GLRA3: variants seen among roughly 807,000 people sequenced by gnomAD.
The protein encoded by GLRA3 is glycine receptor subunit alpha-3.
GLRA3 carries 44 observed loss-of-function variants against 60.4 expected under a neutral mutation model. The observed-to-expected ratio is 0.73, with a 90% CI of 0.57 to 0.94. The LOEUF (loss-of-function observed/expected upper bound fraction) is 0.94. GLRA3 is among the 40% of genes least tolerant of loss of function. The pLI is 0.00. For missense variants in GLRA3, 508 were observed against 564.6 expected (o/e 0.90, Z 1.02); for synonymous variants, 223 against 192.9 (o/e 1.16, Z -1.29).
intron 7 of GLRA3, among the ~76,000 whole-genome samples, chr4:174,662,099 T>A (rs747856971): frequency 6.6e-6 from 1 of 152,178 alleles, no homozygotes; most frequent in Non-Finnish European, 1.5e-5. Context: ...TCCGCTCTTA[T>A]TGTATACATG....
intron 3 of GLRA3, among the ~76,000 whole-genome samples, chr4:174,738,651 T>C (rs1203219482): frequency 6.6e-6 from 1 of 152,248 alleles, no homozygotes; most frequent in Non-Finnish European, 1.5e-5. Context: ...ATTATAGTTT[T>C]GATCTGTTCG....
At chr4:174,689,375 T>G (rs1734692305) in intron 5 of GLRA3, among the ~76,000 whole-genome samples, 1 of 152,182 alleles carries the variant, frequency 6.6e-6, no homozygotes, top group Non-Finnish European at 1.5e-5. Flanking sequence ...CAAAGTAAGA[T>G]GTAGATATAA....
intron 2 of GLRA3, among the ~76,000 whole-genome samples, chr4:174,779,077 C>T (rs376640823): frequency 0.074 from 11,290 of 152,186 alleles, 554 homozygotes; most frequent in Non-Finnish European, 0.098. Context: ...CCCTGTCTGA[C>T]AGCTTTGAAG....
intron 5 of GLRA3, among the ~76,000 whole-genome samples, chr4:174,693,415 A>C (rs1198503066): frequency 6.6e-6 from 1 of 152,158 alleles, no homozygotes. Flanking sequence ...TGAATAGGGA[A>C]TCTCTTCCCC....
At chr4:174,697,272 G>C (rs1395634421) in intron 5 of GLRA3, among the ~76,000 whole-genome samples, 1 of 152,158 alleles carries the variant, frequency 6.6e-6, no homozygotes, top group Non-Finnish European at 1.5e-5. Flanking sequence ...TATCTCAAAA[G>C]TTAGGCAGGG....
At chr4:174,761,775 C>T (rs939055679) in intron 3 of GLRA3, among the ~76,000 whole-genome samples, 3 of 152,100 alleles carry the variant, frequency 2.0e-5, no homozygotes, top group African/African-American at 4.8e-5. Flanking sequence ...TATAAGCAGG[C>T]TCTGGGATGC....
chr4:174,725,933 T>C (rs1232079183), intron 4 of GLRA3, among the ~76,000 whole-genome samples: 2 of 152,264 alleles, frequency 1.3e-5, no homozygotes, highest in African/African-American at 4.8e-5. Flanking sequence ...TATTAGACTC[T>C]GGCTCTTATT....
intron 2 of GLRA3, among the ~76,000 whole-genome samples, chr4:174,779,531 T>C (rs1164765383): frequency 1.3e-5 from 2 of 152,066 alleles, no homozygotes; most frequent in Non-Finnish European, 2.9e-5. Flanking sequence ...AGGGAGGACA[T>C]TCAAACCAAA....
At chr4:174,645,150 A>G (rs1388259309) in intron 9 of GLRA3, among the ~76,000 whole-genome samples, 3 of 152,148 alleles carry the variant, frequency 2.0e-5, no homozygotes, top group Admixed American at 6.5e-5. Flanking sequence ...ATAGTGGCTC[A>G]TGCCTGTAAC....
intron 4 of GLRA3, among the ~76,000 whole-genome samples, chr4:174,726,838 T>C (rs1479117353): frequency 7.0e-6 from 1 of 141,944 alleles, no homozygotes; most frequent in Non-Finnish European, 1.5e-5. Context: ...TGATATTTAG[T>C]GGTGGGGCGG....
At chr4:174,738,979 G>C (rs1736903951) in intron 3 of GLRA3, among the ~76,000 whole-genome samples, 1 of 152,180 alleles carries the variant, frequency 6.6e-6, no homozygotes, top group African/African-American at 2.4e-5. Context: ...GAATTCCACT[G>C]AGCAACTTCT....
chr4:174,721,943 C>T (rs1201016173), intron 4 of GLRA3, among the ~76,000 whole-genome samples: 2 of 151,430 alleles, frequency 1.3e-5, no homozygotes, highest in Non-Finnish European at 2.9e-5. Context: ...AATAGGGAAA[C>T]TAACTTGCCT....
chr4:174,810,820 G>A (rs575708170), intron 1 of GLRA3, among the ~76,000 whole-genome samples: 1 of 152,262 alleles, frequency 6.6e-6, no homozygotes, highest in South Asian at 2.1e-4. Context: ...CTAAATCCCT[G>A]TAGCAGCATT....
At chr4:174,756,531 T>C (rs1386097511) in intron 3 of GLRA3, among the ~76,000 whole-genome samples, 1 of 152,146 alleles carries the variant, frequency 6.6e-6, no homozygotes, top group African/African-American at 2.4e-5. Flanking sequence ...TCAGACAGCA[T>C]TGAATAAAAT....
rs191054937 is a variant in GLRA3 at position 174,814,230 on chromosome 4, A to T, written c.71+14511T>A. Among the ~76,000 whole-genome samples, 565 of 152,280 alleles carry T rather than the reference A, an allele frequency of 3.7e-3. 2 individuals are homozygous for T. The highest frequency in any genetic ancestry group is 0.013 in the African/African-American group (544 of 41,560). On this transcript the variant is annotated intron_variant, in intron 1 of 9. Transcript: ENST00000274093. ...TGAGTTCTTGATGGCATCCAGGAAG[A>T]ATCAGGTTGCATGAATGAATTGAAG...
intron 4 of GLRA3, among the ~76,000 whole-genome samples, chr4:174,724,032 C>A (rs903369712): frequency 1.4e-5 from 2 of 146,600 alleles, no homozygotes; most frequent in Admixed American, 6.9e-5. Context: ...ACATACATAG[C>A]TATGCATATA....
At chr4:174,816,333 C>T (rs1264912632) in intron 1 of GLRA3, among the ~76,000 whole-genome samples, 3 of 152,160 alleles carry the variant, frequency 2.0e-5, no homozygotes, top group African/African-American at 7.2e-5. Context: ...CTGGATGAAA[C>T]GTCCAAGTGT....
chr4:174,796,422 T>C (rs1430587772), intron 1 of GLRA3, among the ~76,000 whole-genome samples: 1 of 152,222 alleles, frequency 6.6e-6, no homozygotes, highest in East Asian at 1.9e-4. Flanking sequence ...CAATTGCTTA[T>C]GGGCAATTGA....
chr4:174,700,391 T>C (rs897270434), intron 5 of GLRA3, among the ~76,000 whole-genome samples: 1 of 152,194 alleles, frequency 6.6e-6, no homozygotes, highest in East Asian at 1.9e-4. Flanking sequence ...ACTTTGTCAT[T>C]ATTACGATAT....
Sources: allele counts gnomAD v4.1 joint callset (sites outside exome capture counted in the v4.1 genomes callset), GRCh38; gene constraint gnomAD v4.1.1; transcripts MANE v1.5; gene names NCBI Gene and HGNC (gene_info 2026-07-23, HGNC 2026-07-21).